The following ARL2BP variants were observed in gnomAD, a reference collection of about 807,000 sequenced individuals.
ARL2BP encodes the protein ARF like GTPase 2 binding protein.
Under a neutral mutation model 24.2 loss-of-function variants are expected in ARL2BP, and 19 were observed. That is an observed-to-expected ratio of 0.79 (90% CI 0.55 to 1.15). The LOEUF (loss-of-function observed/expected upper bound fraction) is 1.15, where lower values mean the gene tolerates loss of function less well. Ranked by LOEUF, ARL2BP falls within the 50% of genes most tolerant of loss-of-function variation. ARL2BP has a pLI of 0.00. For synonymous variants in ARL2BP, 56 were observed against 70.5 expected, an observed-to-expected ratio of 0.79 and a Z score of 1.03; for missense variants, 160 against 190.4, an observed-to-expected ratio of 0.84 and a Z score of 0.94.
intron 2 of ARL2BP, 78 bp downstream of exon 2, chr16:57,246,219 TAAAAAG>T: frequency 7.0e-7 from 1 of 1,419,702 alleles, no homozygotes; most frequent in Non-Finnish European, 9.8e-7. Context: ...GAGTTAATTT[TAAAAAG>T]AGAAAACATC....
rs1226538854 is a variant in ARL2BP at position 57,249,968 on chromosome 16, G to A, written c.293+116G>A. 1.5e-5 allele frequency: 14 copies of A among 918,596 alleles called. No individual in the cohort carries two copies. The Admixed American group carries it at 1.6e-4, about 11-fold the overall frequency. The allele number at this position is 918,596 out of a possible 1,614,324, so 56.9% of individuals were successfully genotyped here. On this transcript the variant is annotated intron_variant, in intron 4 of 5. Coordinates refer to ENST00000219204, the MANE Select transcript of ARL2BP (RefSeq NM_012106.4). ...TTCCTGTGCATGCCGTTGGTGGTTA[G>A]GTCCTATGGAGGAAGCCCTCAAACC...
intron 2 of ARL2BP, among the ~76,000 whole-genome samples, chr16:57,248,042 G>A (rs542088960): frequency 6.6e-6 from 1 of 151,932 alleles, no homozygotes; most frequent in South Asian, 2.1e-4. Flanking sequence ...GGCTGGGTGC[G>A]GTGGCTCACA....
In ARL2BP at chr16:57,249,760, G is replaced by A. The variant is rs1325222186; in HGVS notation, c.208-7G>A. 6.2e-7 allele frequency: 1 copy of A among 1,613,336 alleles called. No individual in the cohort carries two copies. The highest frequency in any genetic ancestry group is 8.5e-7 in the Non-Finnish European group (1 of 1,179,246). Reference sequence around the variant, plus strand: ...TGGTCTCACCAAAATCCTTTCCACTGTTGCAGATTTCTTTGGTAGAAAAAT... The same window carrying A: ...TGGTCTCACCAAAATCCTTTCCACTATTGCAGATTTCTTTGGTAGAAAAAT... On this transcript the variant is annotated splice_polypyrimidine_tract_variant and splice_region_variant and intron_variant, in intron 3 of 5. Transcript: ENST00000219204.
intron 5 of ARL2BP, 25 bp downstream of exon 5, chr16:57,250,532 A>T (rs772389298): frequency 2.6e-6 from 4 of 1,559,542 alleles, no homozygotes; most frequent in Non-Finnish European, 3.5e-6. Flanking sequence ...CTATTTATTT[A>T]GCCACTTTGA....
chr16:57,248,745 C>T, intron 3 of ARL2BP, 102 bp downstream of exon 3: 1 of 579,290 alleles, frequency 1.7e-6, no homozygotes, highest in Middle Eastern at 2.7e-4. Context: ...AAATATGCCA[C>T]CAGTACACTT....
At position 57,249,952 on chromosome 16, in the gene ARL2BP, A is replaced by C; in HGVS notation, c.293+100A>C. 4.5e-6 allele frequency: 5 copies of C among 1,117,288 alleles called. No individual in the cohort carries two copies. In the South Asian group the frequency reaches 6.4e-5, roughly 14 times the overall value. 69.2% of individuals were successfully genotyped at this position (1,117,288 alleles called of 1,614,324 possible). On this transcript the variant is annotated intron_variant, in intron 4 of 5. Transcript: ENST00000219204. ...ACGCTCCTTGTTTGTTTTCCTGTGC[A>C]TGCCGTTGGTGGTTAGGTCCTATGG...
rs1341872800 is a variant in ARL2BP, at chr16:57,249,960, G to A, written c.293+108G>A. On this transcript the variant is annotated intron_variant, in intron 4 of 5. Transcript: ENST00000219204. The stretch of plus-strand genomic sequence containing the variant: ...TGTTTGTTTTCCTGTGCATGCCGTT[G>A]GTGGTTAGGTCCTATGGAGGAAGCC... 13 of 995,742 alleles carry A rather than the reference G, an allele frequency of 1.3e-5. No homozygotes were observed. In the African/African-American group the frequency reaches 1.8e-4, roughly 13 times the overall value. 61.7% of individuals were successfully genotyped at this position (995,742 alleles called of 1,614,324 possible).
Position 57,248,437 on chromosome 16 carries a change from T to C in ARL2BP, c.101-100T>C, listed in dbSNP as rs2075397439. The stretch of plus-strand genomic sequence containing the variant: ...CAGCTTTCCTTCCAGAGACTGATCA[T>C]TGAGAAAGCAGTACTGCTGACATAG... On this transcript the variant is annotated intron_variant, in intron 2 of 5. Coordinates refer to ENST00000219204, the MANE Select transcript of ARL2BP (RefSeq NM_012106.4). 4.8e-6 allele frequency: 3 copies of C among 625,692 alleles called. No homozygotes were observed. The South Asian group carries it at 8.5e-5, about 18-fold the overall frequency. The allele number at this position is 625,692 out of a possible 1,614,324, so 38.8% of individuals were successfully genotyped here. A position where few individuals can be genotyped will look rare whatever the true frequency, so the allele number is the denominator to read the frequency against.
chr16:57,249,656 T>TC, intron 3 of ARL2BP, 111 bp from the exon 4 acceptor site: 24 of 819,320 alleles, frequency 2.9e-5, no homozygotes, highest in Admixed American at 1.2e-4. Flanking sequence ...TCAGTGTAGA[T>TC]TGTGGCACAC....
chr16:57,246,193 T>C (rs771739790), intron 2 of ARL2BP, 52 bp downstream of exon 2: 8 of 1,525,720 alleles, frequency 5.2e-6, no homozygotes, highest in Admixed American at 3.7e-5. Flanking sequence ...TTTAAGGACA[T>C]TGAAATCAAT....
chr16:57,251,408 A>G (rs2075407291), intron 5 of ARL2BP: 1 of 152,436 alleles, frequency 6.6e-6, no homozygotes, highest in Non-Finnish European at 1.5e-5. Context: ...GTCAAAAAAA[A>G]AAAAAGAAAA....
At chr16:57,246,986 G>A (rs1302125615) in intron 2 of ARL2BP, among the ~76,000 whole-genome samples, 1 of 152,166 alleles carries the variant, frequency 6.6e-6, no homozygotes, top group African/African-American at 2.4e-5. Context: ...ACAGTCCCCA[G>A]AGGTTTAAGA....
intron 2 of ARL2BP, 78 bp downstream of exon 2, chr16:57,246,219 TA>T (rs1237816484): frequency 4.9e-6 from 7 of 1,419,584 alleles, no homozygotes; most frequent in Non-Finnish European, 6.9e-6. Context: ...GAGTTAATTT[TA>T]AAAAGAGAAA....
At position 57,250,399 on chromosome 16, in the gene ARL2BP, T is replaced by C. The variant is rs759227898; in HGVS notation, c.294-12T>C. 6.2e-7 allele frequency: 1 copy of C among 1,612,602 alleles called. No homozygotes were observed. The highest frequency in any genetic ancestry group is 1.3e-5 in the African/African-American group (1 of 74,912). On this transcript the variant is annotated splice_polypyrimidine_tract_variant and intron_variant, in intron 4 of 5. Coordinates refer to ENST00000219204, the MANE Select transcript of ARL2BP (RefSeq NM_012106.4). ...CATTCATTCACGAAACAGCCATCTG[T>C]TCCGTTTGCAGGCACCATAAGGATG...
chr16:57,252,305 G>A lies in ARL2BP; in HGVS notation c.*38G>A. ...GCCAATGAATGGGATCATTCTGGAT[G>A]TCACCAGCCCAATAGGCTCAGCTCA... On this transcript the variant is annotated 3_prime_UTR_variant, in exon 6 of 6. Transcript: ENST00000219204. 1 of 1,614,092 alleles carries A rather than the reference G, an allele frequency of 6.2e-7. No homozygotes were observed. The highest frequency in any genetic ancestry group is 8.5e-7 in the Non-Finnish European group (1 of 1,180,008).
Position 57,252,544 on chromosome 16 carries a change from A to G in ARL2BP, c.*277A>G, listed in dbSNP as rs1044208. On this transcript the variant is annotated 3_prime_UTR_variant, in exon 6 of 6. Coordinates refer to ENST00000219204, the MANE Select transcript of ARL2BP (RefSeq NM_012106.4). ...GTCAGACGCCTCTGGAGCGAGCCCT[A>G]TGTCAGGCACTCCACCTGGGGGGCC... 1,082 of 470,214 alleles carry G rather than the reference A, an allele frequency of 2.3e-3. 11 individuals carry two copies. Among genetic ancestry groups the G allele is most frequent in the African/African-American group, 0.02 (1,021 of 50,780 alleles). 29.1% of individuals were successfully genotyped at this position (470,214 alleles called of 1,614,324 possible).
At chr16:57,246,668 G>C (rs1271917686) in intron 2 of ARL2BP, among the ~76,000 whole-genome samples, 3 of 152,152 alleles carry the variant, frequency 2.0e-5, no homozygotes, top group African/African-American at 7.2e-5. Flanking sequence ...GCCGGGCGTG[G>C]TAGCGGGCGC....
intron 2 of ARL2BP, 186 bp from the exon 3 acceptor site, chr16:57,248,350 AG>A (rs2075397086): frequency 3.0e-6 from 1 of 328,696 alleles, no homozygotes. Flanking sequence ...AGAAAGAAAA[AG>A]AAAACAGGAG....
At chr16:57,246,467 A>AT (rs1450283173) in intron 2 of ARL2BP, 1 of 223,616 alleles carries the variant, frequency 4.5e-6, no homozygotes, top group Non-Finnish European at 8.8e-6. Context: ...AGCAATTTCA[A>AT]TTTTAGATAG....
Sources: allele counts gnomAD v4.1 joint callset (sites outside exome capture counted in the v4.1 genomes callset), GRCh38; gene constraint gnomAD v4.1.1; transcripts MANE v1.5; gene names NCBI Gene and HGNC (gene_info 2026-07-23, HGNC 2026-07-21).